ALG9: variants seen among roughly 807,000 people sequenced by gnomAD.
ALG9 encodes ALG9 alpha-1,2-mannosyltransferase.
Under a neutral mutation model 81.8 loss-of-function variants are expected in ALG9, and 55 were observed. The ratio of observed to expected loss-of-function variants is 0.67; its 90% CI spans 0.54 to 0.84. The LOEUF is 0.84. Among genes scored for constraint, ALG9 ranks in the 40% least tolerant of loss-of-function variants. The probability of loss-of-function intolerance (pLI) is 0.00; values close to 1 mark genes in which losing one functional copy is unlikely to be tolerated. For synonymous variants in ALG9, 278 were observed against 274.3 expected, an observed-to-expected ratio of 1.01 and a Z score of -0.13; for missense variants, 629 against 745.0, an observed-to-expected ratio of 0.84 and a Z score of 1.81.
chr11:111,831,625 T>C (rs1449371364), intron 13 of ALG9, among the ~76,000 whole-genome samples: 4 of 152,200 alleles, frequency 2.6e-5, no homozygotes, highest in Non-Finnish European at 5.9e-5. Context: ...GAAAATAATA[T>C]TGAAGAATCC....
In ALG9 at chr11:111,820,435, G is replaced by T. The variant is rs576393202; in HGVS notation, c.1603-10662C>A. ...AGACAGGGCAAGAGACAGCAAGAAG[G>T]GGATGAACTCATTGTTTTACAAGGC... On this transcript the variant is annotated intron_variant, in intron 13 of 14. Coordinates refer to ENST00000616540, the MANE Select transcript of ALG9 (RefSeq NM_024740.2). 2.6e-5 allele frequency among the ~76,000 whole-genome samples: 4 copies of T among 152,272 alleles called. No homozygotes were observed. The South Asian group carries it at 8.3e-4, about 32-fold the overall frequency.
intron 6 of ALG9, among the ~76,000 whole-genome samples, chr11:111,857,159 C>CA (rs1958832380): frequency 6.6e-6 from 1 of 152,072 alleles, no homozygotes; most frequent in Admixed American, 6.6e-5. Context: ...GGAGGAAACT[C>CA]AGATTTCAAA....
At chr11:111,864,303 C>T (rs1961509025) in intron 4 of ALG9, 1 of 1,070,344 alleles carries the variant, frequency 9.3e-7, no homozygotes. Context: ...GTTCAACAGC[C>T]CCGGCTGGAG....
rs551089215 is a variant in ALG9, at chr11:111,856,292, A to G, written c.701+1310T>C. Among the ~76,000 whole-genome samples the G allele has an allele frequency of 2.5e-4, 38 of 150,904 alleles. No individual in the cohort carries two copies. In the East Asian group the frequency reaches 5.2e-3, roughly 21 times the overall value. On this transcript the variant is annotated intron_variant, in intron 6 of 14. Transcript: ENST00000616540. ...ACTCCATCTCAAAAAAAAAAAAAAA[A>G]AAAAGAAAAAAAAATTGTTCACTGA... is the stretch of plus-strand genomic sequence containing the variant.
intron 8 of ALG9, among the ~76,000 whole-genome samples, chr11:111,850,454 C>G (rs1381865062): frequency 3.9e-5 from 6 of 151,958 alleles, no homozygotes; most frequent in African/African-American, 1.5e-4. Context: ...GCCTGTAATC[C>G]CAGCACTTTG....
chr11:111,827,536 G>A (rs1953555884), intron 13 of ALG9, among the ~76,000 whole-genome samples: 1 of 152,024 alleles, frequency 6.6e-6, no homozygotes, highest in Non-Finnish European at 1.5e-5. Context: ...ATCAACCAAC[G>A]AATGAAAAGA....
At chr11:111,773,109 T>C in the ALG9 span, among the ~76,000 whole-genome samples, 1 of 152,132 alleles carries the variant, frequency 6.6e-6, no homozygotes, top group Non-Finnish European at 1.5e-5. Flanking sequence ...GTATTATTTA[T>C]TACAAAGGGC....
intron 1 of ALG9, chr11:111,870,949 T>A: frequency 9.9e-7 from 1 of 1,012,120 alleles, no homozygotes; most frequent in Non-Finnish European, 1.2e-6. Context: ...ACCTGCAGCC[T>A]CCAGGGTTTG....
the ALG9 span, among the ~76,000 whole-genome samples, chr11:111,768,171 G>T: frequency 6.6e-6 from 1 of 152,196 alleles, no homozygotes; most frequent in African/African-American, 2.4e-5. Context: ...GAAAAATGGT[G>T]AGAAAATTAA....
Position 111,871,533 on chromosome 11 carries a change from GCAGA to G in ALG9, c.-55_-52del, listed in dbSNP as rs1235219875. The G allele has an allele frequency of 1.3e-6, 2 of 1,534,422 alleles. No homozygotes were observed. Among genetic ancestry groups the G allele is most frequent in the African/African-American group, 2.7e-5 (2 of 72,950 alleles). On this transcript the variant is annotated 5_prime_UTR_variant, in exon 1 of 15. The change abolishes the stop of an existing upstream ORF in the 5' untranslated region. Coordinates refer to ENST00000616540, the MANE Select transcript of ALG9 (RefSeq NM_024740.2). ...GGCACCCTATGAAGTCGGTGAGCGC[GCAGA>G]CATAGCTTTGGCTGGCAAACGGTGT... is the stretch of plus-strand genomic sequence containing the variant.
intron 6 of ALG9, among the ~76,000 whole-genome samples, chr11:111,856,625 CTTTT>C (rs148667520): frequency 1.5e-5 from 2 of 137,156 alleles, no homozygotes; most frequent in African/African-American, 2.6e-5. Context: ...CTGGTACTTA[CTTTT>C]TTTTTTTTTT....
intron 9 of ALG9, among the ~76,000 whole-genome samples, chr11:111,841,182 A>C (rs1361922324): frequency 6.6e-6 from 1 of 152,260 alleles, no homozygotes; most frequent in Non-Finnish European, 1.5e-5. Context: ...AACCAAAAGC[A>C]TAACATAAAT....
rs539780103 is a variant in ALG9 at position 111,871,524 on chromosome 11, G to C, written c.-42C>G. On this transcript the variant is annotated 5_prime_UTR_variant, in exon 1 of 15. Coordinates refer to ENST00000616540, the MANE Select transcript of ALG9 (RefSeq NM_024740.2). ...AAAGAATTCGGCACCCTATGAAGTC[G>C]GTGAGCGCGCAGACATAGCTTTGGC... 2.0e-6 allele frequency: 3 copies of C among 1,535,242 alleles called. No individual in the cohort carries two copies. Among genetic ancestry groups the C allele is most frequent in the South Asian group, 2.4e-5 (2 of 83,736 alleles).
intron 13 of ALG9, among the ~76,000 whole-genome samples, chr11:111,822,391 A>G (rs1050631443): frequency 1.4e-5 from 2 of 144,444 alleles, no homozygotes; most frequent in African/African-American, 2.6e-5. Context: ...TCTGGGTGAC[A>G]AAGCACAACT....
rs1955675538 is a variant in ALG9 at position 111,838,380 on chromosome 11, T to G, written c.1193A>C (p.Gln398Pro). The change falls in exon 11 of 15, where the codon CAG (glutamine) becomes CCG (proline). Residue 398 changes from glutamine to proline, a missense_variant. This residue lies in a region of ALG9 where 264 missense variants were observed against 302.2 expected (regional missense o/e 0.87). Transcript: ENST00000616540. Reference sequence around the variant, plus strand: ...TTGAAACACAAAGTGGTAACATTTCTGGAAGTACAGAAAACTGTGCTGATA... The same window carrying G: ...TTGAAACACAAAGTGGTAACATTTCGGGAAGTACAGAAAACTGTGCTGATA... ...SALQHSFLYF[Q>P]KCYHFVFQRY... The G allele has an allele frequency of 6.2e-7, 1 of 1,612,856 alleles. No individual in the cohort carries two copies. The highest frequency in any genetic ancestry group is 8.5e-7 in the Non-Finnish European group (1 of 1,178,914).
rs1356039192 is a variant in ALG9 at position 111,824,983 on chromosome 11, G to T, written c.1602+11182C>A. ...CATCTTCCTGCAACATATCAAACTT[G>T]ACAGGAAACCAGTGAGGACACAAAT... On this transcript the variant is annotated intron_variant, in intron 13 of 14. Coordinates refer to ENST00000616540, the MANE Select transcript of ALG9 (RefSeq NM_024740.2). Among the ~76,000 whole-genome samples the T allele has an allele frequency of 2.0e-5, 3 of 152,062 alleles. No individual in the cohort carries two copies. In the East Asian group the frequency reaches 5.8e-4, roughly 29 times the overall value.
At chr11:111,836,816 G>A (rs1479691855) in intron 12 of ALG9, 3 of 173,608 alleles carry the variant, frequency 1.7e-5, no homozygotes, top group East Asian at 1.6e-4. Flanking sequence ...ACTGACACAG[G>A]GTCTTTATGA....
At chr11:111,817,733 A>T (rs1951715618) in intron 13 of ALG9, among the ~76,000 whole-genome samples, 2 of 151,040 alleles carry the variant, frequency 1.3e-5, no homozygotes, top group African/African-American at 4.9e-5. Flanking sequence ...TTTCTATGGC[A>T]GTGGGAATGA....
intron 9 of ALG9, 64 bp downstream of exon 9, chr11:111,844,537 T>G: frequency 6.2e-7 from 1 of 1,608,588 alleles, no homozygotes; most frequent in South Asian, 1.1e-5. Flanking sequence ...TTCCTTCAGT[T>G]CTTGGTATAC....
Sources: gnomAD v4.1 joint callset for allele counts (sites outside exome capture counted in the v4.1 genomes callset) on GRCh38, gnomAD v4.1.1 for gene constraint, gnomAD v4.1.1 regional missense constraint, MANE v1.5 for transcripts, NCBI Gene and HGNC (gene_info 2026-07-23, HGNC 2026-07-21) for gene names.